The following CTNNA3 variants were observed in gnomAD, a reference collection of about 807,000 sequenced individuals.
CTNNA3 encodes the protein catenin alpha-3.
A neutral mutation model predicts 95.7 loss-of-function variants in CTNNA3; 76 were observed. The observed-to-expected ratio is 0.79, with a 90% CI of 0.66 to 0.96. The LOEUF (loss-of-function observed/expected upper bound fraction) is 0.96, where lower values mean the gene tolerates loss of function less well. CTNNA3 is among the 40% of genes least tolerant of loss of function. The pLI is 0.00. For missense variants in CTNNA3, 1,191 were observed against 1,089.8 expected, an observed-to-expected ratio of 1.09 and a Z score of -1.31; for synonymous variants, 431 against 374.4, an observed-to-expected ratio of 1.15 and a Z score of -1.74.
At chr10:67,533,063 C>T (rs1840382988) in intron 4 of CTNNA3, among the ~76,000 whole-genome samples, 1 of 152,172 alleles carries the variant, frequency 6.6e-6, no homozygotes, top group African/African-American at 2.4e-5. Context: ...GTGGCGGACG[C>T]CTGTAATCCC....
intron 5 of CTNNA3, among the ~76,000 whole-genome samples, chr10:67,455,193 GAT>G (rs1350188606): frequency 6.6e-6 from 1 of 151,990 alleles, no homozygotes; most frequent in Non-Finnish European, 1.5e-5. Context: ...CTCAAATTAG[GAT>G]ATGTCTTCCA....
At chr10:67,364,308 T>A (rs550634549) in intron 5 of CTNNA3, among the ~76,000 whole-genome samples, 1 of 152,194 alleles carries the variant, frequency 6.6e-6, no homozygotes. Flanking sequence ...ATAAACTAGG[T>A]ATTGATGGAA....
intron 12 of CTNNA3, among the ~76,000 whole-genome samples, chr10:66,303,810 G>A (rs1053393829): frequency 1.5e-4 from 23 of 152,188 alleles, no homozygotes; most frequent in African/African-American, 5.3e-4. Context: ...AGCCAGGATG[G>A]TCTTGATCTC....
At position 66,388,806 on chromosome 10, in the gene CTNNA3, G is replaced by T. The variant is rs189766761; in HGVS notation, c.1532-9454C>A. Reference sequence around the variant, plus strand: ...ATATAGCACAAAATAATTAGAAAAGGTTCACAAAGTTTGTATTACTGTGAC... The same window carrying T: ...ATATAGCACAAAATAATTAGAAAAGTTTCACAAAGTTTGTATTACTGTGAC... On this transcript the variant is annotated intron_variant, in intron 11 of 17. Coordinates refer to ENST00000433211, the MANE Select transcript of CTNNA3 (RefSeq NM_013266.4). Among the ~76,000 whole-genome samples the T allele has an allele frequency of 8.5e-5, 13 of 152,134 alleles. No homozygotes were observed. The East Asian group carries it at 1.9e-3, about 23-fold the overall frequency.
At chr10:67,692,067 T>C (rs1457007291) in intron 1 of CTNNA3, among the ~76,000 whole-genome samples, 1 of 108,406 alleles carries the variant, frequency 9.2e-6, no homozygotes, top group African/African-American at 3.7e-5. Context: ...GGGAGGGAGG[T>C]GGGGGGGTCA....
chr10:66,678,830 A>AGT (rs141703333), intron 9 of CTNNA3, among the ~76,000 whole-genome samples: 60 of 151,368 alleles, frequency 4.0e-4, no homozygotes, highest in Middle Eastern at 3.4e-3. Flanking sequence ...TGTGTATGAG[A>AGT]GTGTGTGTGT....
Position 65,912,870 on chromosome 10 carries a change from G to T in CTNNA3, c.*7460C>A, listed in dbSNP as rs1013485527. 3 of 152,164 alleles carry T rather than the reference G, an allele frequency of 2.0e-5. No individual in the cohort carries two copies. Among genetic ancestry groups the T allele is most frequent in the East Asian group, 1.9e-4 (1 of 5,176 alleles). The allele number at this position is 152,164 out of a possible 1,614,324, so 9.4% of individuals were successfully genotyped here. ...TTAAGGATAAATATGGACCAGAAAG[G>T]CCTACAGTATTTTTGCCAAATTTTA... On this transcript the variant is annotated 3_prime_UTR_variant, in exon 18 of 18. Coordinates refer to ENST00000433211, the MANE Select transcript of CTNNA3 (RefSeq NM_013266.4).
At chr10:67,036,492 C>A (rs1854066131) in intron 7 of CTNNA3, among the ~76,000 whole-genome samples, 1 of 151,954 alleles carries the variant, frequency 6.6e-6, no homozygotes, top group South Asian at 2.1e-4. Context: ...GGTGAAACCC[C>A]GTCTCTACTA....
intron 4 of CTNNA3, among the ~76,000 whole-genome samples, chr10:67,524,656 T>G (rs528523004): frequency 6.6e-6 from 1 of 152,332 alleles, no homozygotes; most frequent in South Asian, 2.1e-4. Flanking sequence ...TTTCATTCAT[T>G]TAAGCAGTTT....
chr10:66,890,262 A>G (rs1336986070), intron 7 of CTNNA3, among the ~76,000 whole-genome samples: 1 of 152,074 alleles, frequency 6.6e-6, no homozygotes, highest in East Asian at 1.9e-4. Context: ...AGAATCATCA[A>G]CCTACAGGTG....
At chr10:67,232,817 T>C (rs1236126444) in intron 5 of CTNNA3, among the ~76,000 whole-genome samples, 8 of 151,448 alleles carry the variant, frequency 5.3e-5, no homozygotes, top group African/African-American at 2.4e-5. Context: ...TGGAGGAAGA[T>C]CTACCAAGCA....
At chr10:67,535,133 G>A (rs1840450990) in intron 4 of CTNNA3, among the ~76,000 whole-genome samples, 1 of 152,086 alleles carries the variant, frequency 6.6e-6, no homozygotes, top group Non-Finnish European at 1.5e-5. Context: ...GCCACAAACA[G>A]TATATCTTGA....
intron 7 of CTNNA3, among the ~76,000 whole-genome samples, chr10:67,124,977 C>A (rs1397905286): frequency 6.6e-6 from 1 of 152,110 alleles, no homozygotes; most frequent in East Asian, 1.9e-4. Flanking sequence ...TGGGAAAAAT[C>A]ATTTTTCAAG....
chr10:67,298,984 G>T (rs372294945), intron 5 of CTNNA3, among the ~76,000 whole-genome samples: 1 of 151,782 alleles, frequency 6.6e-6, no homozygotes, highest in Non-Finnish European at 1.5e-5. Context: ...GCAGTAGTGC[G>T]ATCTCCTGGG....
chr10:66,154,587 A>G (rs7905595), intron 13 of CTNNA3, among the ~76,000 whole-genome samples: 122,902 of 150,492 alleles, frequency 0.82, 50,346 homozygotes, highest in South Asian at 0.92. Flanking sequence ...TTTGCCGAAA[A>G]CTACTCACAA....
rs150765895 is a variant in CTNNA3 at position 66,974,663 on chromosome 10, A to T, written c.1048-199139T>A. ...TTTCATTGGTTCATATCATCTACTA[A>T]TACAACACTTAATATGTGACTTTTT... On this transcript the variant is annotated intron_variant, in intron 7 of 17. Coordinates refer to ENST00000433211, the MANE Select transcript of CTNNA3 (RefSeq NM_013266.4). Among the ~76,000 whole-genome samples, 3 of 152,312 alleles carry T rather than the reference A, an allele frequency of 2.0e-5. No homozygotes were observed. The East Asian group carries it at 5.8e-4, about 29-fold the overall frequency.
intron 5 of CTNNA3, among the ~76,000 whole-genome samples, chr10:67,329,795 C>A (rs1841708306): frequency 1.3e-5 from 2 of 152,192 alleles, no homozygotes; most frequent in Non-Finnish European, 1.5e-5. Flanking sequence ...AATCACAGTG[C>A]TTCAAATGAG....
At position 66,996,505 on chromosome 10, in the gene CTNNA3, G is replaced by A. The variant is rs372789305; in HGVS notation, c.1047+183812C>T. On this transcript the variant is annotated intron_variant, in intron 7 of 17. Coordinates refer to ENST00000433211, the MANE Select transcript of CTNNA3 (RefSeq NM_013266.4). Reference sequence around the variant, plus strand: ...TACTAAAATACACAAGAAACTAGCCGGGCGTGGTGGCGCGTGCCTGTAGTC... The same window carrying A: ...TACTAAAATACACAAGAAACTAGCCAGGCGTGGTGGCGCGTGCCTGTAGTC... Among the ~76,000 whole-genome samples the A allele has an allele frequency of 5.3e-5, 8 of 151,982 alleles. 1 individual carries two copies. In the East Asian group the frequency reaches 1.2e-3, roughly 22 times the overall value.
chr10:66,889,068 G>T (rs1845157589), intron 7 of CTNNA3, among the ~76,000 whole-genome samples: 1 of 152,180 alleles, frequency 6.6e-6, no homozygotes, highest in South Asian at 2.1e-4. Context: ...GCCATGAAAA[G>T]ACATGGAAGA....
Sources: gnomAD v4.1 joint callset for allele counts (sites outside exome capture counted in the v4.1 genomes callset) on GRCh38, gnomAD v4.1.1 for gene constraint, MANE v1.5 for transcripts, NCBI Gene and HGNC (gene_info 2026-07-23, HGNC 2026-07-21) for gene names.